The following TRADD variants were observed in gnomAD, a reference collection of about 807,000 sequenced individuals.
TRADD encodes TNFRSF1A associated via death domain.
In TRADD, 14 loss-of-function variants were observed where a neutral mutation model predicts 31.5. That is an observed-to-expected ratio of 0.44 (90% CI 0.29 to 0.69). TRADD has a LOEUF of 0.69. Ranked by LOEUF, TRADD falls within the 30% of genes least tolerant of loss-of-function variation. The pLI is 0.11. For synonymous variants in TRADD, 220 were observed against 215.8 expected, an observed-to-expected ratio of 1.02 and a Z score of -0.17; for missense variants, 388 against 435.7, an observed-to-expected ratio of 0.89 and a Z score of 0.97.
rs141364039 is a variant in TRADD at position 67,154,382 on chromosome 16, C to G, written c.*267G>C. The G allele has an allele frequency of 1.7e-6, 1 of 573,246 alleles. No individual in the cohort carries two copies. The highest frequency in any genetic ancestry group is 1.9e-5 in the African/African-American group (1 of 53,418). The allele number at this position is 573,246 out of a possible 1,614,324, so 35.5% of individuals were successfully genotyped here. A position where few individuals can be genotyped will look rare whatever the true frequency, so the allele number is the denominator to read the frequency against. On this transcript the variant is annotated 3_prime_UTR_variant, in exon 5 of 5. Coordinates refer to ENST00000345057, the MANE Select transcript of TRADD (RefSeq NM_003789.4). The surrounding 1 kb of genome is among the most constrained non-coding windows in gnomAD (Gnocchi z 5.2). ...AAACTGTAAGGGCTGGCTGTAAGCCCCGCTTCTGGGATGGGAGAAGGTGAG... is the reference window on the plus strand; with the variant it reads ...AAACTGTAAGGGCTGGCTGTAAGCCGCGCTTCTGGGATGGGAGAAGGTGAG...
Position 67,154,384 on chromosome 16 carries a change from G to A in TRADD, c.*265C>T, listed in dbSNP as rs577307974. On this transcript the variant is annotated 3_prime_UTR_variant, in exon 5 of 5. Coordinates refer to ENST00000345057, the MANE Select transcript of TRADD (RefSeq NM_003789.4). This position sits in a 1 kb window ranked among gnomAD's most constrained non-coding sequence, Gnocchi z 5.2. Reference sequence around the variant, plus strand: ...ACTGTAAGGGCTGGCTGTAAGCCCCGCTTCTGGGATGGGAGAAGGTGAGGC... The same window carrying A: ...ACTGTAAGGGCTGGCTGTAAGCCCCACTTCTGGGATGGGAGAAGGTGAGGC... 1.4e-4 allele frequency: 83 copies of A among 573,432 alleles called. No homozygotes were observed. Among genetic ancestry groups the A allele is most frequent in the African/African-American group, 1.4e-3 (75 of 53,404 alleles). 35.5% of individuals were successfully genotyped at this position (573,432 alleles called of 1,614,324 possible). A position where few individuals can be genotyped will look rare whatever the true frequency, so the allele number is the denominator to read the frequency against.
intron 2 of TRADD, chr16:67,155,957 T>A: frequency 6.9e-7 from 1 of 1,459,128 alleles, no homozygotes; most frequent in Non-Finnish European, 9.1e-7. Context: ...AAAGGGGGCG[T>A]GTGCCCTGGG....
rs1184295711 is a variant in TRADD at position 67,156,512 on chromosome 16, G to GC, written c.148dup (p.Ala50GlyfsTer101). 6.2e-7 allele frequency: 1 copy of GC among 1,611,994 alleles called. No homozygotes were observed. Among genetic ancestry groups the GC allele is most frequent in the Non-Finnish European group, 8.5e-7 (1 of 1,180,014 alleles). On this transcript the variant is annotated frameshift_variant, in exon 2 of 5. Coordinates refer to ENST00000345057, the MANE Select transcript of TRADD (RefSeq NM_003789.4). LOFTEE classifies it high-confidence loss of function. This position sits in a 1 kb window ranked among gnomAD's most constrained non-coding sequence, Gnocchi z 4.6. Reference sequence around the variant, plus strand: ...CACATGCCCGCCCATCCACGCACCTGCCAAGGCAGCCTGCAGAGCCCTGTA... The same window carrying GC: ...CACATGCCCGCCCATCCACGCACCTGCCCAAGGCAGCCTGCAGAGCCCTGTA...
Position 67,159,022 on chromosome 16 carries a change from A to G in TRADD, c.-9+816T>C, listed in dbSNP as rs1349989282. Among the ~76,000 whole-genome samples the G allele has an allele frequency of 6.6e-6, 1 of 152,144 alleles. No homozygotes were observed. Among genetic ancestry groups the G allele is most frequent in the Non-Finnish European group, 1.5e-5 (1 of 68,006 alleles). ...CTGGAGACTGGGGATGCTTTCTCAC[A>G]CTCACTAGTACTAGAAGATGGGGAA... On this transcript the variant is annotated intron_variant, in intron 1 of 4. Transcript: ENST00000345057. The surrounding 1 kb of genome is among the most constrained non-coding windows in gnomAD (Gnocchi z 6.8).
intron 2 of TRADD, chr16:67,155,989 C>T (rs2030679299): frequency 1.4e-6 from 2 of 1,412,610 alleles, no homozygotes; most frequent in South Asian, 1.2e-5. Context: ...TCTGGGTAGG[C>T]GGCCAGCAGG....
chr16:67,154,790 G>A lies in TRADD; in HGVS notation c.798C>T (p.Phe266=). The A allele has an allele frequency of 6.2e-7, 1 of 1,600,396 alleles. No homozygotes were observed. ...YEREGLYEQA[F]QLLRRFVQAE... ...CCTGCACGAAGCGCCGCAGCAGCTG[G>A]AAGGCCTGCTCGTACAGTCCCTCGC... The change falls in exon 5 of 5, where the codon TTC becomes TTT. Residue 266 remains phenylalanine (F), a synonymous_variant. Transcript: ENST00000345057. This position sits in a 1 kb window ranked among gnomAD's most constrained non-coding sequence, Gnocchi z 5.2.
chr16:67,155,126 G>C lies in TRADD; in HGVS notation c.598C>G (p.Gln200Glu), dbSNP rs1052222846. 1.3e-6 allele frequency: 2 copies of C among 1,544,962 alleles called. No homozygotes were observed. The highest frequency in any genetic ancestry group is 8.7e-7 in the Non-Finnish European group (1 of 1,148,414). ...GGCTGACCCTGGAACAGAAAAGTCT[G>C]GGCAGGTGGCGGCGGCGGCGGCGGC... is the stretch of plus-strand genomic sequence containing the variant. ...VKPPPPPPPAQTFLFQGQPVV... is the reference protein window; with the variant it reads ...VKPPPPPPPAETFLFQGQPVV... Residue 200 changes from glutamine to glutamate, a missense_variant, in exon 4 of 5, where the codon CAG becomes GAG. Gln to Glu is a conservative substitution (Grantham distance 29). Transcript: ENST00000345057.
At chr16:67,158,331 A>T (rs977225045) in intron 1 of TRADD, among the ~76,000 whole-genome samples, 12 of 152,156 alleles carry the variant, frequency 7.9e-5, no homozygotes, top group Non-Finnish European at 1.5e-4. Context: ...ATGCCTGGCT[A>T]GTTTTTGTAT....
At chr16:67,158,255 TTCCCA>T (rs1369107444) in intron 1 of TRADD, among the ~76,000 whole-genome samples, 1 of 152,238 alleles carries the variant, frequency 6.6e-6, no homozygotes, top group Admixed American at 6.5e-5. Context: ...AGCCTTGACC[TTCCCA>T]GCTCAAGCAA....
In TRADD at chr16:67,156,336, C is replaced by A; in HGVS notation, c.151+174G>T. 8.5e-7 allele frequency: 1 copy of A among 1,179,574 alleles called. No individual in the cohort carries two copies. Among genetic ancestry groups the A allele is most frequent in the Middle Eastern group, 2.5e-4 (1 of 3,960 alleles). 73.1% of individuals were successfully genotyped at this position (1,179,574 alleles called of 1,614,324 possible). A position where few individuals can be genotyped will look rare whatever the true frequency, so the allele number is the denominator to read the frequency against. On this transcript the variant is annotated intron_variant, in intron 2 of 4. Transcript: ENST00000345057. The surrounding 1 kb of genome is among the most constrained non-coding windows in gnomAD (Gnocchi z 4.6). ...TAAATCATACACAGACTCGAGAACA[C>A]ACGCCTATCCTCAAGGTCATGCCAC...
chr16:67,157,948 AG>A (rs2030757748), intron 1 of TRADD, among the ~76,000 whole-genome samples: 1 of 151,766 alleles, frequency 6.6e-6, no homozygotes, highest in African/African-American at 2.4e-5. Flanking sequence ...CATGGGCTCA[AG>A]GCCCTACCTC....
rs748109434 is a variant in TRADD, at chr16:67,155,167, G to A, written c.557C>T (p.Ser186Phe). 7.1e-6 allele frequency: 11 copies of A among 1,558,560 alleles called. No individual in the cohort carries two copies. The highest frequency in any genetic ancestry group is 9.5e-6 in the Non-Finnish European group (11 of 1,154,910). ...ASAPLQPPVP[S>F]LSEVKPPPPP... ...CGGCGGCGGCTTCACCTCCGACAGAGAGGGCACCGGGGGCTGCAAGGGGGC... is the reference window on the plus strand; with the variant it reads ...CGGCGGCGGCTTCACCTCCGACAGAAAGGGCACCGGGGGCTGCAAGGGGGC... Residue 186 changes from serine to phenylalanine, a missense_variant, in exon 4 of 5, where the codon TCT becomes TTT. Physicochemically the swap from Ser to Phe is radical, Grantham distance 155. Transcript: ENST00000345057.
intron 1 of TRADD, among the ~76,000 whole-genome samples, chr16:67,158,154 G>A (rs1372355733): frequency 5.3e-5 from 8 of 152,072 alleles, no homozygotes; most frequent in Admixed American, 3.3e-4. Context: ...CACTACTCTC[G>A]ACCTTTGTTT....
chr16:67,154,446 A>C lies in TRADD; in HGVS notation c.*203T>G. The C allele has an allele frequency of 1.6e-5, 10 of 636,708 alleles. No homozygotes were observed. The highest frequency in any genetic ancestry group is 1.2e-4 in the East Asian group (4 of 34,556). 39.4% of individuals were successfully genotyped at this position (636,708 alleles called of 1,614,324 possible). A position where few individuals can be genotyped will look rare whatever the true frequency, so the allele number is the denominator to read the frequency against. The stretch of plus-strand genomic sequence containing the variant: ...GCAGGTCCCCCCCACCCCACACTCT[A>C]TCAAAGTACCTGAGGCAGAATCCCC... On this transcript the variant is annotated 3_prime_UTR_variant, in exon 5 of 5. Transcript: ENST00000345057. This position sits in a 1 kb window ranked among gnomAD's most constrained non-coding sequence, Gnocchi z 5.2.
rs1234364222 is a variant in TRADD at position 67,159,253 on chromosome 16, T to C, written c.-9+585A>G. 6.6e-6 allele frequency among the ~76,000 whole-genome samples: 1 copy of C among 152,218 alleles called. No homozygotes were observed. Among genetic ancestry groups the C allele is most frequent in the Non-Finnish European group, 1.5e-5 (1 of 68,024 alleles). On this transcript the variant is annotated intron_variant, in intron 1 of 4. Coordinates refer to ENST00000345057, the MANE Select transcript of TRADD (RefSeq NM_003789.4). The surrounding 1 kb of genome is among the most constrained non-coding windows in gnomAD (Gnocchi z 6.8). ...CTGAGAAAGTTTGGTGGCCGGAGAC[T>C]GTGGGGCGCTTAGGTACCGACCTAA... is the stretch of plus-strand genomic sequence containing the variant.
In TRADD at chr16:67,156,105, C is replaced by A; in HGVS notation, c.151+405G>T. ...CCGCTCTGAGGCCACGAACAGATCC[C>A]CCAACCCGCTTCAGCCTCCTGTGGC... On this transcript the variant is annotated intron_variant, in intron 2 of 4. Transcript: ENST00000345057. The surrounding 1 kb of genome is among the most constrained non-coding windows in gnomAD (Gnocchi z 4.6). The A allele has an allele frequency of 7.4e-7, 1 of 1,350,308 alleles. No individual in the cohort carries two copies. Among genetic ancestry groups the A allele is most frequent in the Non-Finnish European group, 9.7e-7 (1 of 1,029,844 alleles). The allele number at this position is 1,350,308 out of a possible 1,614,324, so 83.6% of individuals were successfully genotyped here.
At position 67,156,883 on chromosome 16, in the gene TRADD, G is replaced by A. The variant is rs576062973; in HGVS notation, c.-8-215C>T. 4.1e-4 allele frequency among the ~76,000 whole-genome samples: 63 copies of A among 152,280 alleles called. No individual in the cohort carries two copies. Among genetic ancestry groups the A allele is most frequent in the African/African-American group, 1.4e-3 (59 of 41,554 alleles). On this transcript the variant is annotated intron_variant, in intron 1 of 4. Coordinates refer to ENST00000345057, the MANE Select transcript of TRADD (RefSeq NM_003789.4). This position sits in a 1 kb window ranked among gnomAD's most constrained non-coding sequence, Gnocchi z 4.6. Reference sequence around the variant, plus strand: ...CCTGGCTCTGTACAGAGTCCCACCCGCCCCAGGCTTGCAGTGAGGACTGTC... The same window carrying A: ...CCTGGCTCTGTACAGAGTCCCACCCACCCCAGGCTTGCAGTGAGGACTGTC...
Position 67,154,580 on chromosome 16 carries a change from G to C in TRADD, c.*69C>G. 6.5e-7 allele frequency: 1 copy of C among 1,548,978 alleles called. No individual in the cohort carries two copies. The highest frequency in any genetic ancestry group is 8.7e-7 in the Non-Finnish European group (1 of 1,146,192). On this transcript the variant is annotated 3_prime_UTR_variant, in exon 5 of 5. Transcript: ENST00000345057. The surrounding 1 kb of genome is among the most constrained non-coding windows in gnomAD (Gnocchi z 5.2). Reference sequence around the variant, plus strand: ...TTCAGGGTCCCGTGGATGGACAGGGGTTCAGCAATAGCCGCAGAAGGAACC... The same window carrying C: ...TTCAGGGTCCCGTGGATGGACAGGGCTTCAGCAATAGCCGCAGAAGGAACC...
rs1264026069 is a variant in TRADD at position 67,155,477 on chromosome 16, T to C, written c.329A>G (p.His110Arg). ...CAGCTCCAGTTGCAGCGGCACCGAG[T>C]GCTGGGCGAGCGCGGCCGCCAGGCT... ...QRSLAAALAQ[H>R]SVPLQLELRA... Residue 110 changes from histidine (H) to arginine (R), a missense_variant, in exon 3 of 5, where the codon CAC (histidine) becomes CGC (arginine). Coordinates refer to ENST00000345057, the MANE Select transcript of TRADD (RefSeq NM_003789.4). 4 of 1,581,144 alleles carry C rather than the reference T, an allele frequency of 2.5e-6. No homozygotes were observed. The highest frequency in any genetic ancestry group is 3.4e-6 in the Non-Finnish European group (4 of 1,171,726).
Sources: allele counts gnomAD v4.1 joint callset (sites outside exome capture counted in the v4.1 genomes callset), GRCh38; gene constraint gnomAD v4.1.1; non-coding constraint Gnocchi (gnomAD v3.1); transcripts MANE v1.5; gene names NCBI Gene and HGNC (gene_info 2026-07-23, HGNC 2026-07-21).